Variants in MAST4 observed in about 807,000 individuals in gnomAD.
The protein encoded by MAST4 is microtubule associated serine/threonine kinase family member 4.
A neutral mutation model predicts 162.7 loss-of-function variants in MAST4; 89 were observed. The observed-to-expected ratio is 0.55, with a 90% CI of 0.46 to 0.65. The LOEUF (loss-of-function observed/expected upper bound fraction) is 0.65. Among genes scored for constraint, MAST4 ranks in the 30% least tolerant of loss-of-function variants. The pLI, the probability that MAST4 is intolerant of heterozygous loss-of-function variation, is 0.00. For missense variants in MAST4, 3,153 were observed against 3,374.0 expected (o/e 0.93, Z 1.62); for synonymous variants, 1,479 against 1,361.1 (o/e 1.09, Z -1.91).
intron 5 of MAST4, among the ~76,000 whole-genome samples, chr5:67,078,923 T>TATATAATATATATATATATATATATA (rs1561622274): frequency 1.2e-5 from 1 of 81,744 alleles, no homozygotes; most frequent in Non-Finnish European, 2.1e-5. Context: ...TATATATATA[T>TATATAATATATATATATATATATATA]ATATATATAT....
chr5:66,792,702 C>G (rs1295483364), intron 3 of MAST4, among the ~76,000 whole-genome samples: 1 of 151,976 alleles, frequency 6.6e-6, no homozygotes, highest in East Asian at 1.9e-4. Flanking sequence ...AGGCTAAATC[C>G]CATTGAGTTT....
chr5:67,045,697 CAT>C lies in MAST4; in HGVS notation c.675-8705_675-8704del, dbSNP rs1471067055. ...TAAGTTTGAGGATTGCAACCCTGAG[CAT>C]AGATTCAAGTTGCTCTGTATATACG... On this transcript the variant is annotated intron_variant, in intron 4 of 28. Transcript: ENST00000403625. 1.1e-4 allele frequency among the ~76,000 whole-genome samples: 16 copies of C among 152,140 alleles called. No individual in the cohort carries two copies. The East Asian group carries it at 3.1e-3, about 29-fold the overall frequency.
intron 4 of MAST4, among the ~76,000 whole-genome samples, chr5:66,946,723 C>T (rs928464042): frequency 1.3e-5 from 2 of 152,110 alleles, no homozygotes; most frequent in African/African-American, 4.8e-5. Context: ...GTTTGTTTTT[C>T]ACGTAATGCT....
chr5:67,075,189 TAG>T (rs529759503), intron 5 of MAST4, among the ~76,000 whole-genome samples: 44 of 151,458 alleles, frequency 2.9e-4, no homozygotes, highest in African/African-American at 6.8e-4. Context: ...CGTTCCTTTT[TAG>T]AGAGAGTTTT....
intron 4 of MAST4, among the ~76,000 whole-genome samples, chr5:67,044,711 C>T (rs1456298935): frequency 6.6e-6 from 1 of 152,102 alleles, no homozygotes; most frequent in Non-Finnish European, 1.5e-5. Context: ...TGGGGTTTCC[C>T]TATGTTAACC....
intron 4 of MAST4, among the ~76,000 whole-genome samples, chr5:66,925,894 T>C (rs370970645): frequency 1.4e-4 from 21 of 152,300 alleles, no homozygotes; most frequent in African/African-American, 5.1e-4. Flanking sequence ...GTTCCTAATA[T>C]AATGGTGAAT....
intron 4 of MAST4, among the ~76,000 whole-genome samples, chr5:66,920,402 T>C (rs1764455509): frequency 6.6e-6 from 1 of 152,178 alleles, no homozygotes; most frequent in South Asian, 2.1e-4. Context: ...GTAAAATTGT[T>C]TTAAAATACA....
At chr5:66,954,110 C>T (rs955886123) in intron 4 of MAST4, among the ~76,000 whole-genome samples, 10 of 152,104 alleles carry the variant, frequency 6.6e-5, no homozygotes, top group South Asian at 4.1e-4. Context: ...TCAGTCATAT[C>T]GAAGTACTGT....
At chr5:66,755,644 ATTC>A (rs549878817) in intron 1 of MAST4, among the ~76,000 whole-genome samples, 116 of 152,324 alleles carry the variant, frequency 7.6e-4, no homozygotes, top group African/African-American at 2.8e-3. Context: ...TTTAAAATTT[ATTC>A]TTTTAATTGA....
intron 4 of MAST4, among the ~76,000 whole-genome samples, chr5:67,038,749 G>A (rs1756348505): frequency 6.6e-6 from 1 of 152,024 alleles, no homozygotes; most frequent in African/African-American, 2.4e-5. Flanking sequence ...AAAATAAAAT[G>A]AAAATGATTT....
At chr5:66,673,523 G>GTTT (rs1208217801) in intron 1 of MAST4, among the ~76,000 whole-genome samples, 3,089 of 129,672 alleles carry the variant, frequency 0.024, 162 homozygotes, top group East Asian at 0.14. Context: ...TTTGTTTTTT[G>GTTT]TTTTTTGTTT....
chr5:66,827,830 G>C (rs1003891815), intron 3 of MAST4, among the ~76,000 whole-genome samples: 4 of 152,144 alleles, frequency 2.6e-5, no homozygotes, highest in Non-Finnish European at 4.4e-5. Flanking sequence ...AATATCTTTA[G>C]AATAGACACC....
intron 1 of MAST4, among the ~76,000 whole-genome samples, chr5:66,630,860 C>T (rs1294472431): frequency 6.6e-6 from 1 of 152,154 alleles, no homozygotes; most frequent in African/African-American, 2.4e-5. Context: ...TTAACATTGG[C>T]TCAGGAATAA....
At chr5:67,005,580 T>A (rs1751931404) in intron 4 of MAST4, among the ~76,000 whole-genome samples, 1 of 152,232 alleles carries the variant, frequency 6.6e-6, no homozygotes, top group African/African-American at 2.4e-5. Flanking sequence ...TCTACATAAC[T>A]TTGTCATTTT....
intron 2 of MAST4, among the ~76,000 whole-genome samples, chr5:66,772,904 TTTC>T (rs1263913815): frequency 1.3e-5 from 2 of 152,072 alleles, no homozygotes; most frequent in African/African-American, 4.8e-5. Context: ...GAAAATGGGT[TTTC>T]TTCATTTTCT....
intron 8 of MAST4, 49 bp downstream of exon 8, chr5:67,100,641 C>A (rs1354194209): frequency 6.8e-6 from 11 of 1,609,694 alleles, no homozygotes; most frequent in Non-Finnish European, 9.3e-6. Flanking sequence ...TCTCTATTTT[C>A]AAACATTTTG....
At chr5:66,984,505 G>T (rs540668161) in intron 4 of MAST4, among the ~76,000 whole-genome samples, 1 of 152,190 alleles carries the variant, frequency 6.6e-6, no homozygotes, top group Non-Finnish European at 1.5e-5. Flanking sequence ...GAATGTGCAG[G>T]TTTGTTACAT....
At chr5:66,731,228 A>T (rs1033255340) in intron 1 of MAST4, among the ~76,000 whole-genome samples, 8 of 149,464 alleles carry the variant, frequency 5.4e-5, no homozygotes, top group African/African-American at 2.1e-4. Flanking sequence ...ATAAAGTAGC[A>T]TTGGGTGCAG....
Position 66,634,988 on chromosome 5 carries a change from A to G in MAST4, c.363+37970A>G, listed in dbSNP as rs1177921178. ...AAACCCAATCCTGCCTCTGGGATGC[A>G]GGTCCTGCCATCCTAGTATTGTCTT... On this transcript the variant is annotated intron_variant, in intron 1 of 28. Coordinates refer to ENST00000403625, the MANE Select transcript of MAST4 (RefSeq NM_001164664.2). 2.6e-5 allele frequency among the ~76,000 whole-genome samples: 4 copies of G among 152,336 alleles called. No homozygotes were observed. The East Asian group carries it at 7.7e-4, about 29-fold the overall frequency.
Sources: gnomAD v4.1 joint callset for allele counts (sites outside exome capture counted in the v4.1 genomes callset) on GRCh38, gnomAD v4.1.1 for gene constraint, MANE v1.5 for transcripts, NCBI Gene and HGNC (gene_info 2026-07-23, HGNC 2026-07-21) for gene names.